Variants in ABCA13 observed in about 807,000 individuals in gnomAD.
The protein encoded by ABCA13 is ATP-binding cassette sub-family A member 13.
ABCA13 carries 476 observed loss-of-function variants against 478.7 expected under a neutral mutation model. The observed-to-expected ratio is 0.99, with a 90% CI of 0.92 to 1.07. The LOEUF (loss-of-function observed/expected upper bound fraction) is 1.07. ABCA13 is among the 50% of genes least tolerant of loss of function. ABCA13 has a pLI of 0.00. For synonymous variants in ABCA13, 2,252 were observed against 2,158.9 expected (o/e 1.04, Z -1.20); for missense variants, 6,060 against 5,910.6 (o/e 1.03, Z -0.83).
intron 38 of ABCA13, among the ~76,000 whole-genome samples, chr7:48,394,810 A>G (rs1158325069): frequency 6.6e-6 from 1 of 152,168 alleles, no homozygotes; most frequent in African/African-American, 2.4e-5. Context: ...TATATACTGC[A>G]CCATATTTGT....
intron 53 of ABCA13, 61 bp downstream of exon 53, chr7:48,520,355 A>G: frequency 2.0e-6 from 3 of 1,506,984 alleles, no homozygotes; most frequent in Non-Finnish European, 2.7e-6. Context: ...GAGGAAGAGA[A>G]AAATTCATCC....
At chr7:48,366,189 T>C (rs1338709816) in intron 31 of ABCA13, among the ~76,000 whole-genome samples, 1 of 152,142 alleles carries the variant, frequency 6.6e-6, no homozygotes, top group Non-Finnish European at 1.5e-5. Context: ...GCCCAGGACC[T>C]GATGGCTTCA....
At chr7:48,354,553 C>A (rs1354759013) in intron 31 of ABCA13, among the ~76,000 whole-genome samples, 2 of 152,124 alleles carry the variant, frequency 1.3e-5, no homozygotes, top group African/African-American at 4.8e-5. Context: ...GTATGAGAAA[C>A]ATTCCAGCCT....
chr7:48,183,306 C>T (rs1286323779), intron 1 of ABCA13, among the ~76,000 whole-genome samples: 1 of 152,194 alleles, frequency 6.6e-6, no homozygotes, highest in Non-Finnish European at 1.5e-5. Flanking sequence ...TATATTTAGA[C>T]TCAATCTGGA....
chr7:48,514,233 A>C (rs1244318627), intron 51 of ABCA13, among the ~76,000 whole-genome samples: 2 of 152,180 alleles, frequency 1.3e-5, no homozygotes, highest in African/African-American at 2.4e-5. Flanking sequence ...GTGTTGTGCC[A>C]GGCCAACCAC....
At chr7:48,183,542 T>C (rs1163135322) in intron 1 of ABCA13, among the ~76,000 whole-genome samples, 1 of 152,222 alleles carries the variant, frequency 6.6e-6, no homozygotes, top group Non-Finnish European at 1.5e-5. Flanking sequence ...GCAAACGAAC[T>C]ACTTAAGGAT....
chr7:48,249,845 A>G lies in ABCA13; in HGVS notation c.2005+494A>G, dbSNP rs564545447. On this transcript the variant is annotated intron_variant, in intron 15 of 61. Transcript: ENST00000435803. ...GTGTGGATTTGTTCCACAACAAGCA[A>G]TTCTCCACTTCTCCATTGACACTAA... Among the ~76,000 whole-genome samples the G allele has an allele frequency of 2.8e-4, 42 of 151,960 alleles. 2 individuals are homozygous for G. Among genetic ancestry groups the G allele is most frequent in the African/African-American group, 8.5e-4 (35 of 41,352 alleles).
chr7:48,221,290 A>G lies in ABCA13; in HGVS notation c.449A>G (p.Tyr150Cys). ...VERSNTPDSS[Y>C]GSSFFTMDLN... ...ACCTTCTTTATTATAGATTCTTCTT[A>G]TGGTTCCAGTTTTTTTACAGTAAGT... is the stretch of plus-strand genomic sequence containing the variant. Residue 150 changes from tyrosine (Y) to cysteine (C), a missense_variant, in exon 5 of 62, where the codon TAT (tyrosine) becomes TGT (cysteine). Transcript: ENST00000435803. 1 of 1,172,326 alleles carries G rather than the reference A, an allele frequency of 8.5e-7. No homozygotes were observed. The highest frequency in any genetic ancestry group is 1.2e-6 in the Non-Finnish European group (1 of 825,150). 72.6% of individuals were successfully genotyped at this position (1,172,326 alleles called of 1,614,324 possible).
At chr7:48,258,249 A>G (rs887178190) in intron 15 of ABCA13, among the ~76,000 whole-genome samples, 1 of 152,028 alleles carries the variant, frequency 6.6e-6, no homozygotes, top group Non-Finnish European at 1.5e-5. Flanking sequence ...TAAATTACTG[A>G]TTCAATTTCA....
At chr7:48,269,387 T>C (rs1345603226) in intron 16 of ABCA13, among the ~76,000 whole-genome samples, 1 of 152,202 alleles carries the variant, frequency 6.6e-6, no homozygotes, top group Non-Finnish European at 1.5e-5. Flanking sequence ...AAAAATAAGG[T>C]ATTTGTTTTG....
intron 29 of ABCA13, among the ~76,000 whole-genome samples, chr7:48,341,741 G>A (rs1011844714): frequency 2.7e-5 from 4 of 149,030 alleles, no homozygotes; most frequent in Non-Finnish European, 5.9e-5. Context: ...GTGTGTATGT[G>A]TGTGTGTTTG....
intron 59 of ABCA13, among the ~76,000 whole-genome samples, chr7:48,641,208 C>A (rs1311945196): frequency 6.6e-6 from 1 of 152,106 alleles, no homozygotes; most frequent in East Asian, 1.9e-4. Flanking sequence ...AAAAATGGAT[C>A]CTAATATGCA....
intron 39 of ABCA13, chr7:48,404,124 A>T (rs1563196485): frequency 2.3e-6 from 1 of 428,214 alleles, no homozygotes; most frequent in Non-Finnish European, 4.5e-6. Context: ...TATGTACATT[A>T]TACATTATCA....
intron 25 of ABCA13, 128 bp downstream of exon 25, chr7:48,313,359 C>G (rs959096910): frequency 1.1e-6 from 1 of 927,554 alleles, no homozygotes; most frequent in Admixed American, 2.8e-5. Context: ...AATGAAAGTA[C>G]CTTTTCATAT....
intron 43 of ABCA13, among the ~76,000 whole-genome samples, chr7:48,459,249 G>A (rs367975280): frequency 2.8e-4 from 43 of 152,192 alleles, no homozygotes; most frequent in Middle Eastern, 6.8e-3. Flanking sequence ...AAGACCTGAC[G>A]GACCTGCTCA....
intron 54 of ABCA13, among the ~76,000 whole-genome samples, chr7:48,527,084 A>T (rs1258702300): frequency 2.0e-5 from 3 of 152,156 alleles, no homozygotes; most frequent in Non-Finnish European, 4.4e-5. Flanking sequence ...GCAGGGAAGG[A>T]AAGGTGGGAG....
At position 48,242,043 on chromosome 7, in the gene ABCA13, C is replaced by T. The variant is rs1584395543; in HGVS notation, c.1262+977C>T. Among the ~76,000 whole-genome samples, 4 of 152,178 alleles carry T rather than the reference C, an allele frequency of 2.6e-5. No homozygotes were observed. The South Asian group carries it at 8.3e-4, about 31-fold the overall frequency. ...TTGAAGTAGTGTTCTAGGCAAAGGG[C>T]AGGGACAAAACATCTGTCATAAATG... On this transcript the variant is annotated intron_variant, in intron 10 of 61. Transcript: ENST00000435803.
At chr7:48,225,285 G>A (rs1466564053) in intron 5 of ABCA13, among the ~76,000 whole-genome samples, 2 of 128,156 alleles carry the variant, frequency 1.6e-5, no homozygotes, top group Admixed American at 8.9e-5. Flanking sequence ...TCCCTGTTCA[G>A]CACAGATGGA....
chr7:48,489,207 G>C lies in ABCA13; in HGVS notation c.13183-29G>C, dbSNP rs370427184. ...ACAGACTTACGAGCTAATTTCGTGA[G>C]AGCCATTAAATTATCTTTCTTTTTT... is the stretch of plus-strand genomic sequence containing the variant. On this transcript the variant is annotated intron_variant, in intron 47 of 61. Transcript: ENST00000435803. The C allele has an allele frequency of 4.3e-5, 66 of 1,541,744 alleles. No individual in the cohort carries two copies. The Admixed American group carries it at 5.2e-4, about 12-fold the overall frequency.
Sources: gnomAD v4.1 joint callset for allele counts (sites outside exome capture counted in the v4.1 genomes callset) on GRCh38, gnomAD v4.1.1 for gene constraint, MANE v1.5 for transcripts, NCBI Gene and HGNC (gene_info 2026-07-23, HGNC 2026-07-21) for gene names.